The following GFRA1 variants were observed in gnomAD, a reference collection of about 807,000 sequenced individuals.
GFRA1 encodes the protein GDNF family receptor alpha-1.
Under a neutral mutation model 51.6 loss-of-function variants are expected in GFRA1, and 16 were observed. The ratio of observed to expected loss-of-function variants is 0.31; its 90% CI spans 0.21 to 0.47. The LOEUF (loss-of-function observed/expected upper bound fraction) is 0.47. Among genes scored for constraint, GFRA1 ranks in the 20% least tolerant of loss-of-function variants. The pLI is 1.00. For missense variants in GFRA1, 530 were observed against 594.3 expected (o/e 0.89, Z 1.13); for synonymous variants, 270 against 241.3 (o/e 1.12, Z -1.10).
chr10:116,220,064 T>C (rs982085951), intron 4 of GFRA1, among the ~76,000 whole-genome samples: 2 of 152,240 alleles, frequency 1.3e-5, no homozygotes, highest in Admixed American at 6.5e-5. Context: ...TTACTGCACA[T>C]AGCTTATTTG....
intron 5 of GFRA1, among the ~76,000 whole-genome samples, chr10:116,170,381 C>G (rs1232585289): frequency 6.6e-6 from 1 of 152,188 alleles, no homozygotes; most frequent in African/African-American, 2.4e-5. Flanking sequence ...CTTTCAAGTT[C>G]TCTATTGAGA....
intron 6 of GFRA1, among the ~76,000 whole-genome samples, chr10:116,118,517 T>G (rs1238563516): frequency 3.3e-5 from 5 of 152,248 alleles, no homozygotes; most frequent in South Asian, 4.2e-4. Flanking sequence ...CTCCCCTTCT[T>G]CTGCTTCACT....
At chr10:116,195,486 A>G (rs560996161) in intron 5 of GFRA1, among the ~76,000 whole-genome samples, 1 of 152,344 alleles carries the variant, frequency 6.6e-6, no homozygotes, top group South Asian at 2.1e-4. Flanking sequence ...AATTCTCATA[A>G]GGAGTGTGCA....
At chr10:116,213,783 C>T (rs1321754531) in intron 4 of GFRA1, among the ~76,000 whole-genome samples, 1 of 152,104 alleles carries the variant, frequency 6.6e-6, no homozygotes, top group Non-Finnish European at 1.5e-5. Flanking sequence ...GCACACATGA[C>T]CCCACAGGGA....
rs541472153 is a variant in GFRA1 at position 116,146,429 on chromosome 10, T to A, written c.434-20872A>T. The stretch of plus-strand genomic sequence containing the variant: ...AATTTGACATGTTTAATGATTTGAT[T>A]TATTATTTTCCGTAGACAAGCTAAT... On this transcript the variant is annotated intron_variant, in intron 5 of 10. Coordinates refer to ENST00000355422, the MANE Select transcript of GFRA1 (RefSeq NM_005264.8). 4.5e-4 allele frequency among the ~76,000 whole-genome samples: 68 copies of A among 152,352 alleles called. 1 individual carries two copies. Among genetic ancestry groups the A allele is most frequent in the African/African-American group, 1.6e-3 (66 of 41,572 alleles).
intron 4 of GFRA1, among the ~76,000 whole-genome samples, chr10:116,216,117 C>CAG (rs887085438): frequency 3.3e-5 from 5 of 152,114 alleles, no homozygotes; most frequent in Admixed American, 2.0e-4. Context: ...CTGAGTCCTC[C>CAG]AGAGACAGGG....
At chr10:116,222,605 T>G (rs1389259451) in intron 4 of GFRA1, among the ~76,000 whole-genome samples, 1 of 152,220 alleles carries the variant, frequency 6.6e-6, no homozygotes, top group African/African-American at 2.4e-5. Flanking sequence ...ATGGGGCTGT[T>G]GTGAAGATTA....
intron 4 of GFRA1, among the ~76,000 whole-genome samples, chr10:116,217,407 G>T (rs2134474049): frequency 6.6e-6 from 1 of 152,354 alleles, no homozygotes; most frequent in East Asian, 1.9e-4. Flanking sequence ...CAAGTACTTT[G>T]TAGTCAAATA....
At chr10:116,262,423 G>A (rs1326080926) in intron 4 of GFRA1, among the ~76,000 whole-genome samples, 1 of 152,144 alleles carries the variant, frequency 6.6e-6, no homozygotes, top group Non-Finnish European at 1.5e-5. Flanking sequence ...AGTGGTCAGT[G>A]AGACAGAAAG....
At chr10:116,131,149 A>C (rs1958087383) in intron 5 of GFRA1, among the ~76,000 whole-genome samples, 1 of 152,244 alleles carries the variant, frequency 6.6e-6, no homozygotes, top group Non-Finnish European at 1.5e-5. Context: ...TGAATGGCCA[A>C]GTAGCATCTG....
chr10:116,264,304 C>G (rs1041292839), intron 4 of GFRA1, among the ~76,000 whole-genome samples: 3 of 152,164 alleles, frequency 2.0e-5, no homozygotes, highest in African/African-American at 4.8e-5. Context: ...ATCCCCTCCC[C>G]TCTCTGAGCT....
chr10:116,187,400 G>A (rs117741602), intron 5 of GFRA1, among the ~76,000 whole-genome samples: 150 of 152,294 alleles, frequency 9.8e-4, no homozygotes, highest in East Asian at 7.4e-3. Context: ...TAAGTTGGAC[G>A]AAGTGCTCAG....
chr10:116,124,833 A>C (rs1239235670), intron 6 of GFRA1, among the ~76,000 whole-genome samples: 1 of 152,030 alleles, frequency 6.6e-6, no homozygotes, highest in East Asian at 1.9e-4. Flanking sequence ...AAAGCCTCCA[A>C]AGCTCCAGCC....
In GFRA1 at chr10:116,096,715, C is replaced by T. The variant is rs1242167944; in HGVS notation, c.820G>A (p.Val274Ile). ...TAGTTTTCCTTTAGACAGCTGCTGACAGACCTTGACTCTGGCTGGCAGTTG... is the reference window on the plus strand; with the variant it reads ...TAGTTTTCCTTTAGACAGCTGCTGATAGACCTTGACTCTGGCTGGCAGTTG... ...FTNCQPESRS[V>I]SSCLKENYAD... The change falls in exon 7 of 11, where the codon GTC becomes ATC. Residue 274 changes from valine to isoleucine, a missense_variant. By Grantham distance (29) the Val-to-Ile change is conservative. Transcript: ENST00000355422. The T allele has an allele frequency of 6.2e-7, 1 of 1,613,136 alleles. No homozygotes were observed. Among genetic ancestry groups the T allele is most frequent in the African/African-American group, 1.3e-5 (1 of 74,814 alleles).
chr10:116,084,723 T>G (rs1956010738), intron 9 of GFRA1, among the ~76,000 whole-genome samples: 1 of 150,332 alleles, frequency 6.7e-6, no homozygotes, highest in South Asian at 2.1e-4. Flanking sequence ...AAATAGAGAA[T>G]TTTTCTAACG....
At chr10:116,081,792 C>T (rs572351989) in intron 9 of GFRA1, among the ~76,000 whole-genome samples, 4 of 152,152 alleles carry the variant, frequency 2.6e-5, no homozygotes, top group South Asian at 2.1e-4. Context: ...TGGTGGTATA[C>T]GACATCATTT....
upstream of GFRA1, among the ~76,000 whole-genome samples, chr10:116,273,642 ACACACT>A (rs1307069618): frequency 3.6e-4 from 9 of 25,330 alleles, no homozygotes; most frequent in South Asian, 1.9e-3. Context: ...TGCCAGACAC[ACACACT>A]CTCTCTCTCT....
intron 4 of GFRA1, among the ~76,000 whole-genome samples, chr10:116,215,003 T>C (rs537027254): frequency 7.1e-4 from 108 of 152,358 alleles, no homozygotes; most frequent in African/African-American, 2.5e-3. Flanking sequence ...TGCACCGTTT[T>C]ATTCAAATGT....
At chr10:116,224,414 A>G (rs1966136277) in intron 4 of GFRA1, among the ~76,000 whole-genome samples, 1 of 152,270 alleles carries the variant, frequency 6.6e-6, no homozygotes, top group East Asian at 1.9e-4. Flanking sequence ...AGCATTAGTC[A>G]TAATAACCAA....
Sources: allele counts gnomAD v4.1 joint callset (sites outside exome capture counted in the v4.1 genomes callset), GRCh38; gene constraint gnomAD v4.1.1; transcripts MANE v1.5; gene names NCBI Gene and HGNC (gene_info 2026-07-23, HGNC 2026-07-21).